PIAS1: variants seen among roughly 807,000 people sequenced by gnomAD.
PIAS1 encodes E3 SUMO-protein ligase PIAS1.
PIAS1 carries 6 observed loss-of-function variants against 71.3 expected under a neutral mutation model. The ratio of observed to expected loss-of-function variants is 0.08; its 90% CI spans 0.05 to 0.17. The LOEUF is 0.17. Ranked by LOEUF, PIAS1 falls within the 10% of genes least tolerant of loss-of-function variation. PIAS1 has a pLI of 1.00. For missense variants in PIAS1, 555 were observed against 793.6 expected (o/e 0.70, Z 3.61); for synonymous variants, 303 against 292.9 (o/e 1.03, Z -0.35).
Position 68,175,712 on chromosome 15 carries a change from G to T in PIAS1, c.1245G>T (p.Pro415=), listed in dbSNP as rs374534064. Residue 415 remains proline, a synonymous_variant, in exon 10 of 14, where the codon CCG becomes CCT. Transcript: ENST00000249636. ...TTAAGGAGGATGGCACTTGGGCACC[G>T]ATGAGATCAAAAAAGGAAGTACAGG... ...IQFKEDGTWA[P]MRSKKEVQEV... 1.2e-6 allele frequency: 2 copies of T among 1,605,530 alleles called. No homozygotes were observed. Among genetic ancestry groups the T allele is most frequent in the Non-Finnish European group, 1.7e-6 (2 of 1,174,932 alleles).
At chr15:68,144,237 A>C (rs7402649) in intron 4 of PIAS1, among the ~76,000 whole-genome samples, 74,018 of 151,914 alleles carry the variant, frequency 0.49, 18,638 homozygotes, top group East Asian at 0.8. Flanking sequence ...GTCTGCAACC[A>C]TAGTGTATTA....
intron 1 of PIAS1, among the ~76,000 whole-genome samples, chr15:68,059,547 T>TA (rs2091934544): frequency 6.6e-6 from 1 of 151,314 alleles, no homozygotes; most frequent in African/African-American, 2.4e-5. Flanking sequence ...CCGTCTCTAC[T>TA]AAAAATACAA....
intron 2 of PIAS1, among the ~76,000 whole-genome samples, chr15:68,096,039 T>C (rs1041642021): frequency 2.0e-5 from 3 of 152,210 alleles, no homozygotes; most frequent in African/African-American, 7.2e-5. Context: ...CACTTTAAGA[T>C]AGGTAAAAAT....
chr15:68,081,697 A>T (rs548946732), intron 1 of PIAS1, among the ~76,000 whole-genome samples: 1 of 152,224 alleles, frequency 6.6e-6, no homozygotes, highest in South Asian at 2.1e-4. Flanking sequence ...GCTAAAAGAC[A>T]AGAGATGTAA....
At chr15:68,104,291 CA>C (rs2141002221) in intron 2 of PIAS1, among the ~76,000 whole-genome samples, 1 of 152,204 alleles carries the variant, frequency 6.6e-6, no homozygotes, top group African/African-American at 2.4e-5. Flanking sequence ...TGTTGTCTGT[CA>C]TTTTTTTCTG....
chr15:68,096,564 A>T (rs557847960), intron 2 of PIAS1, among the ~76,000 whole-genome samples: 1 of 151,956 alleles, frequency 6.6e-6, no homozygotes, highest in East Asian at 1.9e-4. Context: ...CATGAGCATT[A>T]TCCTTTTTTT....
rs1453259080 is a variant in PIAS1 at position 68,189,557 on chromosome 15, A to G, written c.*1722A>G. The G allele has an allele frequency of 1.3e-5, 2 of 152,208 alleles. No homozygotes were observed. Among genetic ancestry groups the G allele is most frequent in the African/African-American group, 4.8e-5 (2 of 41,450 alleles). The allele number at this position is 152,208 out of a possible 1,614,324, so 9.4% of individuals were successfully genotyped here. ...CTCATGACTTGTGTGGCATCTAAAA[A>G]TAATGTTTTTATAGCATCTCTCTGC... is the stretch of plus-strand genomic sequence containing the variant. On this transcript the variant is annotated 3_prime_UTR_variant, in exon 14 of 14. Transcript: ENST00000249636.
Position 68,181,462 on chromosome 15 carries a change from G to C in PIAS1, c.1624+108G>C, listed in dbSNP as rs2093052895. 3 of 1,078,222 alleles carry C rather than the reference G, an allele frequency of 2.8e-6. No individual in the cohort carries two copies. The Admixed American group carries it at 6.4e-5, about 23-fold the overall frequency. The allele number at this position is 1,078,222 out of a possible 1,614,324, so 66.8% of individuals were successfully genotyped here. A position where few individuals can be genotyped will look rare whatever the true frequency, so the allele number is the denominator to read the frequency against. On this transcript the variant is annotated intron_variant, in intron 12 of 13. Coordinates refer to ENST00000249636, the MANE Select transcript of PIAS1 (RefSeq NM_016166.3). ...GAAGAACTGGAAGACTGAGCCAACA[G>C]GGCCTTGGACCCAGGGAACTGAGAG... is the stretch of plus-strand genomic sequence containing the variant.
chr15:68,166,758 A>T (rs1396513394), intron 8 of PIAS1, among the ~76,000 whole-genome samples: 1 of 152,218 alleles, frequency 6.6e-6, no homozygotes, highest in Non-Finnish European at 1.5e-5. Flanking sequence ...CTGTGTTTCA[A>T]TTCTGTAGTG....
intron 2 of PIAS1, among the ~76,000 whole-genome samples, chr15:68,138,395 A>G (rs1435010887): frequency 2.6e-5 from 4 of 152,124 alleles, no homozygotes; most frequent in Admixed American, 6.6e-5. Flanking sequence ...GGATAGGCCA[A>G]TACAGAAGGG....
chr15:68,158,854 G>A (rs1030760310), intron 7 of PIAS1, among the ~76,000 whole-genome samples: 1 of 152,168 alleles, frequency 6.6e-6, no homozygotes, highest in African/African-American at 2.4e-5. Flanking sequence ...TGTGATAATG[G>A]AAGTGTTCTC....
rs1290722822 is a variant in PIAS1, at chr15:68,187,044, C to T, written c.1663-498C>T. 6.6e-6 allele frequency among the ~76,000 whole-genome samples: 1 copy of T among 152,240 alleles called. No homozygotes were observed. Among genetic ancestry groups the T allele is most frequent in the Non-Finnish European group, 1.5e-5 (1 of 68,052 alleles). On this transcript the variant is annotated intron_variant, in intron 13 of 13. Coordinates refer to ENST00000249636, the MANE Select transcript of PIAS1 (RefSeq NM_016166.3). This position sits in a 1 kb window ranked among gnomAD's most constrained non-coding sequence, Gnocchi z 5.3. ...TTGGAAAACTTAGAGTAATCATACC[C>T]ATTATCATTATGGCTTTAAAATTTA...
chr15:68,189,760 T>C lies in PIAS1; in HGVS notation c.*1925T>C, dbSNP rs1244993700. On this transcript the variant is annotated 3_prime_UTR_variant, in exon 14 of 14. Coordinates refer to ENST00000249636, the MANE Select transcript of PIAS1 (RefSeq NM_016166.3). ...GCTGAGTTATAGTCATAAAACAATT[T>C]GCAATAAAAAAAAAACCAAAACAGA... The C allele has an allele frequency of 1.3e-5, 2 of 152,036 alleles. No homozygotes were observed. Among genetic ancestry groups the C allele is most frequent in the Admixed American group, 1.3e-4 (2 of 15,264 alleles). 9.4% of individuals were successfully genotyped at this position (152,036 alleles called of 1,614,324 possible).
chr15:68,134,787 GCGGC>G (rs1470988851), intron 2 of PIAS1, among the ~76,000 whole-genome samples: 1 of 46,512 alleles, frequency 2.1e-5, no homozygotes, highest in Non-Finnish European at 8.7e-5. Context: ...CCCAGTAGGG[GCGGC>G]TGGGCAGAGG....
At position 68,173,457 on chromosome 15, in the gene PIAS1, C is replaced by T. The variant is rs1043720257; in HGVS notation, c.1009-275C>T. Among the ~76,000 whole-genome samples, 2 of 151,960 alleles carry T rather than the reference C, an allele frequency of 1.3e-5. No individual in the cohort carries two copies. Among genetic ancestry groups the T allele is most frequent in the African/African-American group, 4.8e-5 (2 of 41,378 alleles). ...AATTCAAGGGGTTTATGACCCTCTC[C>T]ACCAAAAGCTGATCTGTGAGCTGTG... On this transcript the variant is annotated intron_variant, in intron 8 of 13. Coordinates refer to ENST00000249636, the MANE Select transcript of PIAS1 (RefSeq NM_016166.3). This position sits in a 1 kb window ranked among gnomAD's most constrained non-coding sequence, Gnocchi z 4.3.
At position 68,058,549 on chromosome 15, in the gene PIAS1, C is replaced by T. The variant is rs556123646; in HGVS notation, c.24+4199C>T. 2.0e-5 allele frequency among the ~76,000 whole-genome samples: 3 copies of T among 152,222 alleles called. No individual in the cohort carries two copies. In the South Asian group the frequency reaches 6.2e-4, roughly 32 times the overall value. ...AGCAGACCTGGAGTCCTCTAGGGTG[C>T]CCAGTTCACAGATTTCTACTTATGT... On this transcript the variant is annotated intron_variant, in intron 1 of 13. Transcript: ENST00000249636.
chr15:68,158,434 A>G (rs778283710), intron 7 of PIAS1, among the ~76,000 whole-genome samples: 22 of 152,160 alleles, frequency 1.4e-4, no homozygotes, highest in Non-Finnish European at 2.2e-4. Flanking sequence ...GAGACATCCC[A>G]GAACCCCCAA....
At chr15:68,056,016 C>G (rs1195052273) in intron 1 of PIAS1, 3 of 665,980 alleles carry the variant, frequency 4.5e-6, no homozygotes, top group Non-Finnish European at 8.2e-6. Flanking sequence ...TCCCCAGTTT[C>G]AAACTATTGA....
chr15:68,097,980 A>G (rs1327388951), intron 2 of PIAS1, among the ~76,000 whole-genome samples: 1 of 152,116 alleles, frequency 6.6e-6, no homozygotes, highest in Non-Finnish European at 1.5e-5. Context: ...ACATGAGTAT[A>G]GGGCTCTAAT....
Sources: allele counts gnomAD v4.1 joint callset (sites outside exome capture counted in the v4.1 genomes callset), GRCh38; gene constraint gnomAD v4.1.1; non-coding constraint Gnocchi (gnomAD v3.1); transcripts MANE v1.5; gene names NCBI Gene and HGNC (gene_info 2026-07-23, HGNC 2026-07-21).